Variants in PDGFRB observed in about 807,000 individuals in gnomAD.
PDGFRB encodes the protein platelet derived growth factor receptor beta.
Under a neutral mutation model 120.2 loss-of-function variants are expected in PDGFRB, and 42 were observed. That is an observed-to-expected ratio of 0.35 (90% CI 0.27 to 0.45). The LOEUF is 0.45. Ranked by LOEUF, PDGFRB falls within the 20% of genes least tolerant of loss-of-function variation. The probability of loss-of-function intolerance (pLI) is 1.00; values close to 1 mark genes in which losing one functional copy is unlikely to be tolerated. For missense variants in PDGFRB, 1,149 were observed against 1,476.3 expected (o/e 0.78, Z 3.63); for synonymous variants, 586 against 606.8 (o/e 0.97, Z 0.50).
chr5:150,143,864 C>T lies in PDGFRB; in HGVS notation c.-6-6811G>A, dbSNP rs1760845664. Among the ~76,000 whole-genome samples, 6 of 152,118 alleles carry T rather than the reference C, an allele frequency of 3.9e-5. No homozygotes were observed. The South Asian group carries it at 1.2e-3, about 32-fold the overall frequency. On this transcript the variant is annotated intron_variant, in intron 1 of 22. Transcript: ENST00000261799. ...CAGTGCTCCACCCCTGCACCACGAACCTCCCCACCAGCCTCGGGATCACTC... is the reference window on the plus strand; with the variant it reads ...CAGTGCTCCACCCCTGCACCACGAATCTCCCCACCAGCCTCGGGATCACTC...
rs1482688179 is a variant in PDGFRB at position 150,117,542 on chromosome 5, GCGCACACACACACACA to G, written c.3137+60_3137+75del. ...CAAACCTGGCAGCGCGCGCGCGCGC[GCGCACACACACACACA>G]CACACACACACACACACACACTGTG... On this transcript the variant is annotated intron_variant, in intron 22 of 22. Transcript: ENST00000261799. 2.2e-5 allele frequency: 10 copies of G among 463,386 alleles called. 1 individual carries two copies. The African/African-American group carries it at 3.2e-4, about 15-fold the overall frequency. The allele number at this position is 463,386 out of a possible 1,614,324, so 28.7% of individuals were successfully genotyped here.
Position 150,117,540 on chromosome 5 carries a change from GCGCGCA to G in PDGFRB, c.3137+72_3137+77del, listed in dbSNP as rs879207452. On this transcript the variant is annotated intron_variant, in intron 22 of 22. Coordinates refer to ENST00000261799, the MANE Select transcript of PDGFRB (RefSeq NM_002609.4). ...GGCAAACCTGGCAGCGCGCGCGCGCGCGCGCACACACACACACACACACACACACAC... is the reference window on the plus strand; with the variant it reads ...GGCAAACCTGGCAGCGCGCGCGCGCGCACACACACACACACACACACACAC... 12,230 of 588,164 alleles carry G rather than the reference GCGCGCA, an allele frequency of 0.021. 31 individuals are homozygous for G. Among genetic ancestry groups the G allele is most frequent in the Non-Finnish European group, 0.026 (8,758 of 341,846 alleles). 36.4% of individuals were successfully genotyped at this position (588,164 alleles called of 1,614,324 possible).
intron 1 of PDGFRB, chr5:150,137,323 A>T: frequency 4.8e-6 from 2 of 414,388 alleles, no homozygotes; most frequent in East Asian, 4.7e-5. Context: ...GCGTCCCCAG[A>T]CTCTCTCTGT....
At chr5:150,148,443 C>A (rs1334044577) in intron 1 of PDGFRB, among the ~76,000 whole-genome samples, 1 of 152,210 alleles carries the variant, frequency 6.6e-6, no homozygotes, top group South Asian at 2.1e-4. Flanking sequence ...CATGGATAGG[C>A]AATGGTGACT....
chr5:150,117,539 C>T (rs1364245700), intron 22 of PDGFRB, 79 bp downstream of exon 22: 11 of 584,108 alleles, frequency 1.9e-5, no homozygotes, highest in East Asian at 1.3e-4. Context: ...CGCGCGCGCG[C>T]GCGCGCACAC....
rs766897807 is a variant in PDGFRB at position 150,115,926 on chromosome 5, T to G, written c.3158A>C (p.Asn1053Thr). Residue 1053 changes from asparagine (N) to threonine (T), a missense_variant, in exon 23 of 23, where the codon AAC (asparagine) becomes ACC (threonine). Asn to Thr is a moderately conservative substitution (Grantham distance 65, BLOSUM62 0). Around this residue, in one of 3 missense-constraint regions of PDGFRB, gnomAD observed 202 missense variants for 214.3 expected, o/e 0.94. Coordinates refer to ENST00000261799, the MANE Select transcript of PDGFRB (RefSeq NM_002609.4). ...SLASSTLNEV[N>T]TSSTISCDSP... Reference sequence around the variant, plus strand: ...GTCACAGGAGATGGTTGAGGAGGTGTTGACTTCATTCAGGGTGGAGCTAGA... The same window carrying G: ...GTCACAGGAGATGGTTGAGGAGGTGGTGACTTCATTCAGGGTGGAGCTAGA... The G allele has an allele frequency of 3.2e-6, 5 of 1,581,142 alleles. No individual in the cohort carries two copies. In the Admixed American group the frequency reaches 7.2e-5, roughly 23 times the overall value.
intron 6 of PDGFRB, 72 bp downstream of exon 6, chr5:150,133,514 G>A (rs1760534351): frequency 7.8e-7 from 1 of 1,285,658 alleles, no homozygotes; most frequent in East Asian, 2.3e-5. Flanking sequence ...CCATCACTCT[G>A]CACCCAGCAA....
chr5:150,136,465 C>A (rs1379298834), intron 2 of PDGFRB, among the ~76,000 whole-genome samples: 2 of 152,302 alleles, frequency 1.3e-5, no homozygotes, highest in African/African-American at 4.8e-5. Flanking sequence ...GCCACGCCCT[C>A]CATGCCCCCT....
intron 1 of PDGFRB, among the ~76,000 whole-genome samples, chr5:150,138,847 G>A (rs1760706442): frequency 6.6e-6 from 1 of 152,354 alleles, no homozygotes; most frequent in East Asian, 1.9e-4. Context: ...CATTAGCAGA[G>A]GCTGGGGGAG....
intron 11 of PDGFRB, 136 bp downstream of exon 11, chr5:150,126,384 A>G (rs1386735898): frequency 2.8e-5 from 19 of 667,496 alleles, no homozygotes; most frequent in Non-Finnish European, 4.9e-5. Context: ...AGCCAGCGTC[A>G]CAAGTCCCCA....
Position 150,121,537 on chromosome 5 carries a change from A to G in PDGFRB, c.2345-215T>C, listed in dbSNP as rs1281746345. Among the ~76,000 whole-genome samples, 2 of 152,194 alleles carry G rather than the reference A, an allele frequency of 1.3e-5. No individual in the cohort carries two copies. The highest frequency in any genetic ancestry group is 4.8e-5 in the African/African-American group (2 of 41,446). On this transcript the variant is annotated intron_variant, in intron 16 of 22. Coordinates refer to ENST00000261799, the MANE Select transcript of PDGFRB (RefSeq NM_002609.4). This position sits in a 1 kb window ranked among gnomAD's most constrained non-coding sequence, Gnocchi z 4.1. ...GCCTTTTGGCATTAGCCCTTGGGCCACTTTTGCCCAGCCTGGCCTGCCTGC... is the reference window on the plus strand; with the variant it reads ...GCCTTTTGGCATTAGCCCTTGGGCCGCTTTTGCCCAGCCTGGCCTGCCTGC...
intron 22 of PDGFRB, 91 bp downstream of exon 22, chr5:150,117,527 A>AGCGT (rs554606521): frequency 0.011 from 6,190 of 556,468 alleles, 27 homozygotes; most frequent in Non-Finnish European, 0.015. Context: ...CAAACCTGGC[A>AGCGT]GCGCGCGCGC....
At chr5:150,136,504 C>A (rs905696957) in intron 2 of PDGFRB, among the ~76,000 whole-genome samples, 4 of 152,142 alleles carry the variant, frequency 2.6e-5, no homozygotes, top group Non-Finnish European at 5.9e-5. Flanking sequence ...GGGAGGTGGG[C>A]GGTCAGGCAG....
intron 1 of PDGFRB, among the ~76,000 whole-genome samples, chr5:150,138,061 G>A (rs888964067): frequency 2.0e-5 from 3 of 151,880 alleles, no homozygotes; most frequent in African/African-American, 7.3e-5. Flanking sequence ...TGAATGGGGT[G>A]GCCCTTGCTC....
At position 150,121,201 on chromosome 5, in the gene PDGFRB, T is replaced by C. The variant is rs2113889463; in HGVS notation, c.2463+3A>G. ...CACTCTGCCCCACCAACACCACACG[T>C]ACGTTCTTGGAGGCCAGAAACTCCA... On this transcript the variant is annotated splice_donor_region_variant and intron_variant, in intron 17 of 22. Transcript: ENST00000261799. This position sits in a 1 kb window ranked among gnomAD's most constrained non-coding sequence, Gnocchi z 4.1. 1 of 1,447,740 alleles carries C rather than the reference T, an allele frequency of 6.9e-7. No homozygotes were observed. Among genetic ancestry groups the C allele is most frequent in the Non-Finnish European group, 9.7e-7 (1 of 1,028,068 alleles). 89.7% of individuals were successfully genotyped at this position (1,447,740 alleles called of 1,614,324 possible). A position where few individuals can be genotyped will look rare whatever the true frequency, so the allele number is the denominator to read the frequency against.
intron 1 of PDGFRB, among the ~76,000 whole-genome samples, chr5:150,147,175 C>A (rs1760945740): frequency 6.6e-6 from 1 of 152,162 alleles, no homozygotes; most frequent in African/African-American, 2.4e-5. Flanking sequence ...GGGGCCCCAG[C>A]ACCCCCTTCC....
intron 1 of PDGFRB, among the ~76,000 whole-genome samples, chr5:150,148,388 C>G (rs1010049218): frequency 6.6e-6 from 1 of 152,224 alleles, no homozygotes; most frequent in Non-Finnish European, 1.5e-5. Context: ...CCTGGGCCCT[C>G]GGCTGCCTCC....
chr5:150,144,179 A>G (rs1332477422), intron 1 of PDGFRB, among the ~76,000 whole-genome samples: 1 of 151,944 alleles, frequency 6.6e-6, no homozygotes, highest in Non-Finnish European at 1.5e-5. Flanking sequence ...CCCACCGCCA[A>G]TCTCCTCACC....
chr5:150,126,606 A>C lies in PDGFRB; in HGVS notation c.1588T>G (p.Phe530Val), dbSNP rs1348611914. 4 of 1,595,950 alleles carry C rather than the reference A, an allele frequency of 2.5e-6. No individual in the cohort carries two copies. Among genetic ancestry groups the C allele is most frequent in the Non-Finnish European group, 3.4e-6 (4 of 1,163,748 alleles). The change falls in exon 11 of 23, where the codon TTT (phenylalanine) becomes GTT (valine). Residue 530 changes from phenylalanine (F) to valine (V), a missense_variant. Coordinates refer to ENST00000261799, the MANE Select transcript of PDGFRB (RefSeq NM_002609.4). ...ATGGCTGAGATCACCACCACCTTAA[A>C]GGGCAAGGCTGGAGGCAGAGATGAG... ...EVIVVPHSLP[F>V]KVVVISAILA...
Sources: gnomAD v4.1 joint callset for allele counts (sites outside exome capture counted in the v4.1 genomes callset) on GRCh38, gnomAD v4.1.1 for gene constraint, gnomAD v4.1.1 regional missense constraint, Gnocchi (gnomAD v3.1) non-coding constraint, MANE v1.5 for transcripts, NCBI Gene and HGNC (gene_info 2026-07-23, HGNC 2026-07-21) for gene names.